MAN2A1: variants seen among roughly 807,000 people sequenced by gnomAD.
The protein encoded by MAN2A1 is alpha-mannosidase 2.
MAN2A1 carries 76 observed loss-of-function variants against 142.6 expected under a neutral mutation model. The observed-to-expected ratio is 0.53, with a 90% confidence interval of 0.44 to 0.65. The LOEUF (loss-of-function observed/expected upper bound fraction) is 0.65, where lower values mean the gene tolerates loss of function less well. Among genes scored for constraint, MAN2A1 ranks in the 30% least tolerant of loss-of-function variants. The pLI is 0.00. For missense variants in MAN2A1, 1,311 were observed against 1,365.1 expected (o/e 0.96, Z 0.62); for synonymous variants, 559 against 473.2 (o/e 1.18, Z -2.35).
At chr5:109,781,322 C>T in intron 8 of MAN2A1, 74 bp from the exon 9 acceptor site, 1 of 759,362 alleles carries the variant, frequency 1.3e-6, no homozygotes, top group Non-Finnish European at 2.0e-6. Flanking sequence ...TTATTATTAA[C>T]TTTCCCTAAC....
At chr5:109,702,627 A>G (rs373426373) in intron 1 of MAN2A1, among the ~76,000 whole-genome samples, 2 of 152,166 alleles carry the variant, frequency 1.3e-5, no homozygotes, top group East Asian at 3.9e-4. Flanking sequence ...AAATAACAAC[A>G]CTTGATGTAT....
chr5:109,805,949 G>A (rs1294248642), intron 12 of MAN2A1, among the ~76,000 whole-genome samples: 1 of 152,128 alleles, frequency 6.6e-6, no homozygotes, highest in East Asian at 1.9e-4. Flanking sequence ...ACCTCTTACA[G>A]AAATTCAGAA....
chr5:109,823,780 G>T lies in MAN2A1; in HGVS notation c.2509G>T (p.Glu837Ter). ...AGTGACACATGGAAGGATTTATTCG[G>T]AAGTGACTTGCTTTTTTGACCATGT... ...VRVTHGRIYS[E>*]VTCFFDHVTH... The change falls in exon 16 of 22, where the codon GAA becomes TAA. Residue 837 changes from glutamate to a stop codon, truncating the protein, a stop_gained. Coordinates refer to ENST00000261483, the MANE Select transcript of MAN2A1 (RefSeq NM_002372.4). LOFTEE classifies it high-confidence loss of function. The T allele has an allele frequency of 6.2e-7, 1 of 1,608,950 alleles. No homozygotes were observed. The highest frequency in any genetic ancestry group is 8.5e-7 in the Non-Finnish European group (1 of 1,178,004).
rs1480982043 is a variant in MAN2A1 at position 109,732,969 on chromosome 5, A to G, written c.707+3456A>G. Among the ~76,000 whole-genome samples, 28 of 152,242 alleles carry G rather than the reference A, an allele frequency of 1.8e-4. No individual in the cohort carries two copies. The East Asian group carries it at 5.0e-3, about 27-fold the overall frequency. On this transcript the variant is annotated intron_variant, in intron 4 of 21. Coordinates refer to ENST00000261483, the MANE Select transcript of MAN2A1 (RefSeq NM_002372.4). ...TACCTTGGGCAGTATGGCCATTTTC[A>G]CAATATTGATTCTTTCTACCCATGA... is the stretch of plus-strand genomic sequence containing the variant.
chr5:109,757,010 T>A (rs1195845369), intron 5 of MAN2A1, among the ~76,000 whole-genome samples: 1 of 152,188 alleles, frequency 6.6e-6, no homozygotes, highest in Non-Finnish European at 1.5e-5. Context: ...GCTGGAGCAT[T>A]TAAACACATC....
At chr5:109,845,795 C>T (rs1420986787) in intron 17 of MAN2A1, 70 bp from the exon 18 acceptor site, 4 of 1,220,620 alleles carry the variant, frequency 3.3e-6, no homozygotes, top group African/African-American at 3.1e-5. Flanking sequence ...GAAAAATCAC[C>T]TGTCCTCAAG....
intron 16 of MAN2A1, among the ~76,000 whole-genome samples, chr5:109,833,452 G>T (rs1268635335): frequency 6.6e-6 from 1 of 152,136 alleles, no homozygotes. Context: ...CAGATCACTC[G>T]TGGTTAGGAG....
intron 20 of MAN2A1, among the ~76,000 whole-genome samples, chr5:109,860,719 T>TG (rs1246691040): frequency 6.6e-6 from 1 of 152,202 alleles, no homozygotes; most frequent in Non-Finnish European, 1.5e-5. Flanking sequence ...TAAAAGAGAC[T>TG]GTCATGTGTG....
chr5:109,820,062 A>G (rs1754582777), intron 14 of MAN2A1, among the ~76,000 whole-genome samples, 158 bp from the exon 15 acceptor site: 5 of 152,216 alleles, frequency 3.3e-5, no homozygotes, highest in Admixed American at 3.3e-4. Flanking sequence ...GCTCACATGT[A>G]TAGTCTGTGG....
rs913657879 is a variant in MAN2A1, at chr5:109,779,947, T to C, written c.1375-1449T>C. On this transcript the variant is annotated intron_variant, in intron 8 of 21. Transcript: ENST00000261483. ...ACCACAACTAGATTACAGTCACTTA[T>C]ATTTGCCTTATCAGTATCATTGTTG... Among the ~76,000 whole-genome samples the C allele has an allele frequency of 2.0e-5, 3 of 152,256 alleles. No individual in the cohort carries two copies. The South Asian group carries it at 6.2e-4, about 32-fold the overall frequency.
intron 4 of MAN2A1, among the ~76,000 whole-genome samples, chr5:109,735,324 C>G (rs1017088111): frequency 6.6e-6 from 1 of 152,116 alleles, no homozygotes; most frequent in Admixed American, 6.5e-5. Context: ...GACTCTTTAT[C>G]CAATTTTCCA....
intron 3 of MAN2A1, among the ~76,000 whole-genome samples, chr5:109,723,449 C>T (rs750265633): frequency 3.3e-5 from 5 of 152,128 alleles, no homozygotes; most frequent in Admixed American, 2.0e-4. Flanking sequence ...GAAACTTAGT[C>T]GATTACTAAG....
chr5:109,706,735 A>G (rs1203986172), intron 1 of MAN2A1, among the ~76,000 whole-genome samples: 2 of 152,110 alleles, frequency 1.3e-5, no homozygotes, highest in Non-Finnish European at 2.9e-5. Flanking sequence ...TGAATCTAAC[A>G]CAATTAGATT....
At chr5:109,825,894 T>C (rs1316234828) in intron 16 of MAN2A1, among the ~76,000 whole-genome samples, 2 of 146,930 alleles carry the variant, frequency 1.4e-5, no homozygotes, top group African/African-American at 5.0e-5. Context: ...TTTCTTTCTT[T>C]CCTTCCTTTT....
chr5:109,796,427 T>C (rs988968272), intron 12 of MAN2A1, among the ~76,000 whole-genome samples: 4 of 152,226 alleles, frequency 2.6e-5, no homozygotes, highest in East Asian at 3.8e-4. Flanking sequence ...ATCATAATGA[T>C]CTTCTACTTT....
At chr5:109,833,368 A>G (rs975727174) in intron 16 of MAN2A1, among the ~76,000 whole-genome samples, 1 of 152,094 alleles carries the variant, frequency 6.6e-6, no homozygotes, top group African/African-American at 2.4e-5. Context: ...ACTGCACTCC[A>G]GCCTGGGCAA....
In MAN2A1 at chr5:109,731,603, C is replaced by T. The variant is rs535923692; in HGVS notation, c.707+2090C>T. On this transcript the variant is annotated intron_variant, in intron 4 of 21. Coordinates refer to ENST00000261483, the MANE Select transcript of MAN2A1 (RefSeq NM_002372.4). ...TTCAATTCCCACCTATGAGTGAGAACATGTGGTGTTTGGTTTTTTGTCCTT... is the reference window on the plus strand; with the variant it reads ...TTCAATTCCCACCTATGAGTGAGAATATGTGGTGTTTGGTTTTTTGTCCTT... Among the ~76,000 whole-genome samples, 149 of 146,072 alleles carry T rather than the reference C, an allele frequency of 1.0e-3. 1 individual carries two copies. The highest frequency in any genetic ancestry group is 1.8e-3 in the Non-Finnish European group (124 of 67,188).
rs564114431 is a variant in MAN2A1, at chr5:109,835,375, A to G, written c.2567-6953A>G. ...GAAAGGAGATGAGAGCAACAATTAG[A>G]TAGATAACAAGGTTCCCTTTGCCTG... On this transcript the variant is annotated intron_variant, in intron 16 of 21. Transcript: ENST00000261483. Among the ~76,000 whole-genome samples the G allele has an allele frequency of 8.6e-5, 13 of 150,932 alleles. No homozygotes were observed. The East Asian group carries it at 1.9e-3, about 22-fold the overall frequency.
At chr5:109,782,300 G>A (rs1263700619) in intron 9 of MAN2A1, among the ~76,000 whole-genome samples, 1 of 152,168 alleles carries the variant, frequency 6.6e-6, no homozygotes, top group Admixed American at 6.5e-5. Flanking sequence ...GTTCTATAGT[G>A]ATAGGTTCTA....
Sources: allele counts gnomAD v4.1 joint callset (sites outside exome capture counted in the v4.1 genomes callset), GRCh38; gene constraint gnomAD v4.1.1; transcripts MANE v1.5; gene names NCBI Gene and HGNC (gene_info 2026-07-23, HGNC 2026-07-21).